RP1: variants seen among roughly 807,000 people sequenced by gnomAD.
RP1 encodes oxygen-regulated protein 1.
In RP1, 16 loss-of-function variants were observed where a neutral mutation model predicts 14.8. The observed-to-expected ratio is 1.08, with a 90% CI of 0.73 to 1.65. The LOEUF (loss-of-function observed/expected upper bound fraction) is 1.65. RP1 is among the 40% of genes most tolerant of loss of function. RP1 has a pLI of 0.00. For missense variants in RP1, 2,631 were observed against 2,535.0 expected (o/e 1.04, Z -0.81); for synonymous variants, 876 against 883.6 (o/e 0.99, Z 0.15).
In RP1 at chr8:54,628,629, A is replaced by G. The variant is rs755186117; in HGVS notation, c.4747A>G (p.Ile1583Val). ...GTCCTCTCCTGATTTAAAAAAATGC[A>G]TCAAAAGTCCAGTGACTTCTGATTG... The part of the protein sequence containing the change: ...SESSPDLKKC[I>V]KSPVTSDWSD... The change falls in exon 4 of 4, where the codon ATC (isoleucine) becomes GTC (valine). Residue 1583 changes from isoleucine to valine, a missense_variant. Physicochemically the swap from Ile to Val is conservative, Grantham distance 29 (BLOSUM62 3). Transcript: ENST00000220676. The G allele has an allele frequency of 6.2e-6, 10 of 1,613,936 alleles. No individual in the cohort carries two copies. In the Admixed American group the frequency reaches 1.2e-4, roughly 19 times the overall value.
chr8:54,711,386 A>G (rs981174028), intron 15 of RP1, among the ~76,000 whole-genome samples: 2 of 152,190 alleles, frequency 1.3e-5, no homozygotes, highest in African/African-American at 4.8e-5. Context: ...AGTTATTGCT[A>G]AAAGATTTGA....
chr8:54,651,465 T>A (rs2129325905), intron 4 of RP1, among the ~76,000 whole-genome samples: 1 of 152,250 alleles, frequency 6.6e-6, no homozygotes, highest in African/African-American at 2.4e-5. Context: ...TCTATTCATA[T>A]TTTTTATTTC....
chr8:54,781,162 T>A, intron 23 of RP1: 1 of 432,900 alleles, frequency 2.3e-6, no homozygotes, highest in Non-Finnish European at 3.1e-6. Context: ...AATTTAAGCT[T>A]GGAAAAGAGA....
exon 29 of RP1, chr8:54,870,144 C>T (rs1812556180): frequency 5.4e-6 from 2 of 371,496 alleles, no homozygotes; most frequent in Non-Finnish European, 4.8e-6. Context: ...AAGATCAGCC[C>T]CTGGTATCTG....
chr8:54,566,482 C>A (rs950737040), intron 1 of RP1, among the ~76,000 whole-genome samples: 1 of 152,152 alleles, frequency 6.6e-6, no homozygotes, highest in African/African-American at 2.4e-5. Context: ...AGTGAAGGAC[C>A]TCACAGGGTA....
At chr8:54,853,928 G>A (rs1317629942) in intron 26 of RP1, among the ~76,000 whole-genome samples, 4 of 139,548 alleles carry the variant, frequency 2.9e-5, no homozygotes, top group South Asian at 2.3e-4. Flanking sequence ...AAAAAAGGGA[G>A]AGAGAGAGAA....
At chr8:54,637,299 G>T (rs1448887545) in intron 3 of RP1, among the ~76,000 whole-genome samples, 1 of 152,198 alleles carries the variant, frequency 6.6e-6, no homozygotes, top group Non-Finnish European at 1.5e-5. Context: ...GGGGTCCACA[G>T]TGAGTGCCTA....
At chr8:54,648,788 T>G (rs1806599448) in intron 3 of RP1, among the ~76,000 whole-genome samples, 1 of 152,192 alleles carries the variant, frequency 6.6e-6, no homozygotes, top group Non-Finnish European at 1.5e-5. Context: ...ATTCTCACTG[T>G]CACATTGTAG....
At chr8:54,670,677 A>G (rs1261401895) in intron 7 of RP1, among the ~76,000 whole-genome samples, 4 of 96,060 alleles carry the variant, frequency 4.2e-5, no homozygotes, top group Non-Finnish European at 8.0e-5. Context: ...GTTTTTATAT[A>G]TATATATATA....
At chr8:54,754,339 G>GT (rs66571554) in intron 19 of RP1, among the ~76,000 whole-genome samples, 1,911 of 148,510 alleles carry the variant, frequency 0.013, 30 homozygotes, top group African/African-American at 0.039. Context: ...CTCTTAGATT[G>GT]TTTTTTTTTT....
At chr8:54,774,835 G>T (rs992329526), downstream of RP1, among the ~76,000 whole-genome samples, 10 of 152,092 alleles carry the variant, frequency 6.6e-5, no homozygotes, top group Non-Finnish European at 1.3e-4. Context: ...CTCCTCAATC[G>T]CTTTGTGTTT....
At chr8:54,808,782 G>T (rs888246282) in intron 24 of RP1, among the ~76,000 whole-genome samples, 1 of 152,140 alleles carries the variant, frequency 6.6e-6, no homozygotes, top group African/African-American at 2.4e-5. Flanking sequence ...GTGTATAGTT[G>T]CTTACCTCTT....
At chr8:54,850,937 T>C (rs1189354383) in intron 25 of RP1, among the ~76,000 whole-genome samples, 3 of 152,210 alleles carry the variant, frequency 2.0e-5, no homozygotes, top group African/African-American at 7.2e-5. Context: ...ACTATGTAAC[T>C]CTTTTTGACT....
intron 19 of RP1, among the ~76,000 whole-genome samples, chr8:54,746,301 T>C (rs1809222840): frequency 6.6e-6 from 1 of 152,222 alleles, no homozygotes; most frequent in Non-Finnish European, 1.5e-5. Context: ...CATTTCATGA[T>C]ACTCTGGTAC....
At chr8:54,843,866 A>G (rs1248032743) in intron 25 of RP1, among the ~76,000 whole-genome samples, 1 of 152,236 alleles carries the variant, frequency 6.6e-6, no homozygotes, top group Non-Finnish European at 1.5e-5. Flanking sequence ...TGGGGCAGTC[A>G]TTAGTGTTAC....
chr8:54,830,554 T>A (rs1811495219), intron 24 of RP1, among the ~76,000 whole-genome samples: 1 of 152,146 alleles, frequency 6.6e-6, no homozygotes, highest in East Asian at 1.9e-4. Context: ...CATTTTTCCA[T>A]CCTTTCCTTT....
chr8:54,797,855 C>CAAGT, intron 24 of RP1, among the ~76,000 whole-genome samples: 1 of 146,498 alleles, frequency 6.8e-6, no homozygotes, highest in Non-Finnish European at 1.5e-5. Context: ...ATGAAGTTTC[C>CAAGT]AAGTGTTGTT....
chr8:54,602,865 C>T (rs532758866), intron 1 of RP1, among the ~76,000 whole-genome samples: 1 of 152,120 alleles, frequency 6.6e-6, no homozygotes, highest in East Asian at 1.9e-4. Context: ...ATATCCTTTG[C>T]CCACTTGTTG....
At chr8:54,727,472 A>G (rs1489005655) in intron 17 of RP1, among the ~76,000 whole-genome samples, 1 of 152,126 alleles carries the variant, frequency 6.6e-6, no homozygotes, top group Non-Finnish European at 1.5e-5. Flanking sequence ...CCTGGGGGAT[A>G]GATACTTTTT....
Sources: allele counts gnomAD v4.1 joint callset (sites outside exome capture counted in the v4.1 genomes callset), GRCh38; gene constraint gnomAD v4.1.1; transcripts MANE v1.5; gene names NCBI Gene and HGNC (gene_info 2026-07-23, HGNC 2026-07-21).